ZSCAN5B: variants seen among roughly 807,000 people sequenced by gnomAD.
ZSCAN5B encodes zinc finger and SCAN domain-containing protein 5B.
In ZSCAN5B, 26 loss-of-function variants were observed where a neutral mutation model predicts 25.2. The ratio of observed to expected loss-of-function variants is 1.03; its 90% CI spans 0.76 to 1.43. The LOEUF (loss-of-function observed/expected upper bound fraction) is 1.43, where lower values mean the gene tolerates loss of function less well. Ranked by LOEUF, ZSCAN5B falls within the 40% of genes most tolerant of loss-of-function variation. The pLI, the probability that ZSCAN5B is intolerant of heterozygous loss-of-function variation, is 0.00. For synonymous variants in ZSCAN5B, 244 were observed against 240.9 expected, an observed-to-expected ratio of 1.01 and a Z score of -0.12; for missense variants, 745 against 622.1, an observed-to-expected ratio of 1.20 and a Z score of -2.10.
chr19:56,194,938 T>C (rs1012128259), intron 1 of ZSCAN5B, among the ~76,000 whole-genome samples: 1 of 152,106 alleles, frequency 6.6e-6, no homozygotes, highest in South Asian at 2.1e-4. Flanking sequence ...GTTCTAAACA[T>C]AGCTTCAAAA....
At position 56,190,127 on chromosome 19, in the gene ZSCAN5B, TGA is replaced by T; in HGVS notation, c.1186_1187del (p.Ser396ArgfsTer18). On this transcript the variant is annotated frameshift_variant, in exon 5 of 5. Transcript: ENST00000586855. LOFTEE classifies it low-confidence loss of function (END_TRUNC). ...GGACTCGCTGGTGAACTCGGAGGTC[TGA>T]GGGCTGCAAGAAGCGCTTCCGACAG... is the stretch of plus-strand genomic sequence containing the variant. 2 of 1,614,036 alleles carry T rather than the reference TGA, an allele frequency of 1.2e-6. No individual in the cohort carries two copies. The highest frequency in any genetic ancestry group is 1.7e-6 in the Non-Finnish European group (2 of 1,179,910).
exon 2 of ZSCAN5B, chr19:56,192,845 G>A: frequency 6.2e-7 from 1 of 1,613,590 alleles, no homozygotes; most frequent in Non-Finnish European, 8.5e-7. Context: ...AGCCACAGAT[G>A]GCACAGCTCA....
At chr19:56,195,729 T>G (rs561231197) in intron 1 of ZSCAN5B, among the ~76,000 whole-genome samples, 1 of 152,214 alleles carries the variant, frequency 6.6e-6, no homozygotes, top group Non-Finnish European at 1.5e-5. Flanking sequence ...TACTGGGTAC[T>G]ATCCTCATAT....
At chr19:56,190,156 G>T (rs1336026289) in exon 5 of ZSCAN5B, 1 of 1,613,942 alleles carries the variant, frequency 6.2e-7, no homozygotes, top group Non-Finnish European at 8.5e-7. Flanking sequence ...TTCCGACAGA[G>T]ATCACATTGA....
chr19:56,192,201 ATCTG>A lies in ZSCAN5B; in HGVS notation c.385-152_385-149del, dbSNP rs945721422. On this transcript the variant is annotated intron_variant, in intron 2 of 4. Transcript: ENST00000586855. The stretch of plus-strand genomic sequence containing the variant: ...CAGAATCAGCTCTGTGGACACAGCA[ATCTG>A]TCTGAATTTTTTTCTTCACTAGATA... 5.1e-6 allele frequency: 4 copies of A among 791,154 alleles called. No individual in the cohort carries two copies. In the African/African-American group the frequency reaches 7.0e-5, roughly 14 times the overall value. The allele number at this position is 791,154 out of a possible 1,614,324, so 49.0% of individuals were successfully genotyped here. A position where few individuals can be genotyped will look rare whatever the true frequency, so the allele number is the denominator to read the frequency against.
At chr19:56,189,890 G>A in exon 5 of ZSCAN5B, 1 of 1,613,988 alleles carries the variant, frequency 6.2e-7, no homozygotes, top group African/African-American at 1.3e-5. Context: ...GCTGACGGAA[G>A]GCCTTTTGAC....
exon 5 of ZSCAN5B, chr19:56,190,018 G>T (rs761213546): frequency 6.2e-7 from 1 of 1,612,956 alleles, no homozygotes; most frequent in Non-Finnish European, 8.5e-7. Context: ...TCCCCGGTGT[G>T]GATCCTCTTG....
At position 56,190,340 on chromosome 19, in the gene ZSCAN5B, T is replaced by C. The variant is rs1303617664; in HGVS notation, c.975A>G (p.Gly325=). The C allele has an allele frequency of 2.5e-6, 4 of 1,614,052 alleles. No homozygotes were observed. The African/African-American group carries it at 5.3e-5, about 22-fold the overall frequency. The change falls in exon 5 of 5, where the codon GGA becomes GGG. Residue 325 remains glycine (G), a synonymous_variant. Transcript: ENST00000586855. The stretch of plus-strand genomic sequence containing the variant: ...AATGAACTGGATTGATCTCAGCTTG[T>C]CCTGGGGATTCTCTGTTGCCCACAG...
In ZSCAN5B at chr19:56,191,277, G is replaced by GC. The variant is rs769640740; in HGVS notation, c.589-291dup. On this transcript the variant is annotated intron_variant, in intron 3 of 4. Transcript: ENST00000586855. ...GGAAGAAGCATGACTCTAGGTGGAGGCCCCTAACCCCTGGCACCATTGGCA... is the reference window on the plus strand; with the variant it reads ...GGAAGAAGCATGACTCTAGGTGGAGGCCCCCTAACCCCTGGCACCATTGGCA... Among the ~76,000 whole-genome samples, 47 of 152,092 alleles carry GC rather than the reference G, an allele frequency of 3.1e-4. 1 individual carries two copies. The highest frequency in any genetic ancestry group is 3.1e-3 in the Admixed American group (47 of 15,252).
At chr19:56,192,035 C>G in exon 3 of ZSCAN5B, 2 of 1,612,566 alleles carry the variant, frequency 1.2e-6, no homozygotes, top group Non-Finnish European at 1.7e-6. Flanking sequence ...TATTCTTTGC[C>G]GAGCAAGTTG....
chr19:56,195,696 G>T (rs1002309865), intron 1 of ZSCAN5B, among the ~76,000 whole-genome samples: 2 of 152,158 alleles, frequency 1.3e-5, no homozygotes, highest in Non-Finnish European at 2.9e-5. Flanking sequence ...AGTGACAGAC[G>T]GTGGGAAGGT....
chr19:56,195,892 GCT>G (rs1339946308), intron 1 of ZSCAN5B, among the ~76,000 whole-genome samples: 3 of 151,906 alleles, frequency 2.0e-5, no homozygotes, highest in South Asian at 2.1e-4. Flanking sequence ...GCAGTGTCTT[GCT>G]CTGTCACCCA....
rs761928324 is a variant in ZSCAN5B, at chr19:56,190,238, C to G, written c.1077G>C (p.Val359=). The change falls in exon 5 of 5, where the codon GTG becomes GTC. Residue 359 remains valine, a synonymous_variant. Transcript: ENST00000586855. The stretch of plus-strand genomic sequence containing the variant: ...AAAAATACTTAAATGATTTATTGCA[C>G]ACGTCACATGCAAAGGGCGGCAGGG... 10 of 1,614,042 alleles carry G rather than the reference C, an allele frequency of 6.2e-6. No individual in the cohort carries two copies. The South Asian group carries it at 8.8e-5, about 14-fold the overall frequency.
chr19:56,196,185 G>A (rs912158179), intron 1 of ZSCAN5B, among the ~76,000 whole-genome samples: 1 of 152,054 alleles, frequency 6.6e-6, no homozygotes. Context: ...CCGAGTAGCT[G>A]GGATTATAGG....
At chr19:56,195,091 G>A (rs540953642) in intron 1 of ZSCAN5B, among the ~76,000 whole-genome samples, 1 of 152,276 alleles carries the variant, frequency 6.6e-6, no homozygotes, top group East Asian at 1.9e-4. Flanking sequence ...TGGCAGGAGG[G>A]TCTCAGGAAA....
In ZSCAN5B at chr19:56,190,433, G is replaced by T. The variant is rs537939197; in HGVS notation, c.882C>A (p.Ser294Arg). 1.1e-4 allele frequency: 174 copies of T among 1,614,024 alleles called. No homozygotes were observed. In the African/African-American group the frequency reaches 1.2e-3, roughly 11 times the overall value. The change falls in exon 5 of 5, where the codon AGC (serine) becomes AGA (arginine). Residue 294 changes from serine (S) to arginine (R), a missense_variant. Ser to Arg is a moderately radical substitution (Grantham distance 110, BLOSUM62 -1). Coordinates refer to ENST00000586855, the Ensembl canonical transcript of ZSCAN5B. Reference sequence around the variant, plus strand: ...CATCTGGTTTGCTTCTTTTGGGACTGCTCAGATTCAGAGCATCTCCTCTGT... The same window carrying T: ...CATCTGGTTTGCTTCTTTTGGGACTTCTCAGATTCAGAGCATCTCCTCTGT...
rs919682506 is a variant in ZSCAN5B at position 56,191,105 on chromosome 19, A to G, written c.589-118T>C. The G allele has an allele frequency of 3.0e-6, 4 of 1,353,498 alleles. No homozygotes were observed. In the African/African-American group the frequency reaches 4.4e-5, roughly 15 times the overall value. 83.8% of individuals were successfully genotyped at this position (1,353,498 alleles called of 1,614,324 possible). ...TCCCATGGACCACCCCATCACCCCAAGTAAACATCACCACCTCATTTCTGC... is the reference window on the plus strand; with the variant it reads ...TCCCATGGACCACCCCATCACCCCAGGTAAACATCACCACCTCATTTCTGC... On this transcript the variant is annotated intron_variant, in intron 3 of 4. Coordinates refer to ENST00000586855, the Ensembl canonical transcript of ZSCAN5B.
chr19:56,192,600 A>AGAC, intron 2 of ZSCAN5B, 69 bp downstream of exon 2: 1 of 1,537,358 alleles, frequency 6.5e-7, no homozygotes, highest in Non-Finnish European at 8.7e-7. Context: ...CTGATATTTG[A>AGAC]GACTGGAGAA....
exon 2 of ZSCAN5B, chr19:56,192,986 G>A: frequency 4.4e-6 from 7 of 1,607,306 alleles, no homozygotes; most frequent in Non-Finnish European, 6.0e-6. Context: ...ACAGACCGTG[G>A]AGTGTCTGAC....
Sources: gnomAD v4.1 joint callset for allele counts (sites outside exome capture counted in the v4.1 genomes callset) on GRCh38, gnomAD v4.1.1 for gene constraint, MANE v1.5 for transcripts, NCBI Gene and HGNC (gene_info 2026-07-23, HGNC 2026-07-21) for gene names.